Variants in HS2ST1 observed in about 807,000 individuals in gnomAD.
HS2ST1 encodes 2-O-sulfotransferase.
A neutral mutation model predicts 42.9 loss-of-function variants in HS2ST1; 18 were observed. The ratio of observed to expected loss-of-function variants is 0.42; its 90% CI spans 0.29 to 0.62. The LOEUF (loss-of-function observed/expected upper bound fraction) is 0.62. Ranked by LOEUF, HS2ST1 falls within the 20% of genes least tolerant of loss-of-function variation. The pLI is 0.21. For synonymous variants in HS2ST1, 146 were observed against 152.9 expected, an observed-to-expected ratio of 0.95 and a Z score of 0.33; for missense variants, 334 against 433.8, an observed-to-expected ratio of 0.77 and a Z score of 2.04.
intron 1 of HS2ST1, among the ~76,000 whole-genome samples, chr1:86,950,380 GTAGA>G (rs938229128): frequency 2.7e-5 from 4 of 148,214 alleles, no homozygotes; most frequent in Non-Finnish European, 6.0e-5. Flanking sequence ...AGGTAGGTAG[GTAGA>G]TAGACAGACA....
intron 1 of HS2ST1, among the ~76,000 whole-genome samples, chr1:87,024,083 G>A (rs1331390613): frequency 1.3e-5 from 2 of 152,108 alleles, no homozygotes; most frequent in Non-Finnish European, 2.9e-5. Context: ...CATACCAATA[G>A]GTATTAACAA....
intron 1 of HS2ST1, among the ~76,000 whole-genome samples, chr1:86,924,161 A>C (rs925385124): frequency 2.6e-5 from 4 of 152,208 alleles, no homozygotes; most frequent in African/African-American, 9.6e-5. Context: ...TGAAATCTTA[A>C]ACCTTCAAAA....
At chr1:87,038,732 T>C (rs1650445920) in intron 1 of HS2ST1, among the ~76,000 whole-genome samples, 1 of 152,146 alleles carries the variant, frequency 6.6e-6, no homozygotes, top group Non-Finnish European at 1.5e-5. Flanking sequence ...TTGTTTTAAC[T>C]TACATATACG....
intron 1 of HS2ST1, among the ~76,000 whole-genome samples, chr1:86,940,800 C>T (rs1660744956): frequency 6.6e-6 from 1 of 152,138 alleles, no homozygotes; most frequent in Non-Finnish European, 1.5e-5. Context: ...TCAAGACCAG[C>T]CTGGGCAACA....
intron 1 of HS2ST1, among the ~76,000 whole-genome samples, chr1:86,949,136 T>C (rs939254126): frequency 1.3e-5 from 2 of 152,154 alleles, no homozygotes; most frequent in African/African-American, 4.8e-5. Context: ...TAAGATGGAG[T>C]CTTGCTCTTT....
chr1:87,101,465 C>T (rs1385492006), intron 5 of HS2ST1, among the ~76,000 whole-genome samples: 1 of 152,052 alleles, frequency 6.6e-6, no homozygotes, highest in African/African-American at 2.4e-5. Flanking sequence ...CGCACCCGAC[C>T]AGTCATCACT....
At position 87,109,096 on chromosome 1, in the gene HS2ST1, C is replaced by A. The variant is rs1652408059; in HGVS notation, c.*4400C>A. On this transcript the variant is annotated 3_prime_UTR_variant, in exon 7 of 7. Transcript: ENST00000370550. ...GTTGGAGAGATAATCACTCCTTTTCCTTAACATTCTGCCAGCTTTCTGATG... is the reference window on the plus strand; with the variant it reads ...GTTGGAGAGATAATCACTCCTTTTCATTAACATTCTGCCAGCTTTCTGATG... 1.3e-5 allele frequency: 2 copies of A among 152,486 alleles called. No individual in the cohort carries two copies. Among genetic ancestry groups the A allele is most frequent in the South Asian group, 4.1e-4 (2 of 4,828 alleles). 9.4% of individuals were successfully genotyped at this position (152,486 alleles called of 1,614,324 possible). A position where few individuals can be genotyped will look rare whatever the true frequency, so the allele number is the denominator to read the frequency against.
At position 87,104,884 on chromosome 1, in the gene HS2ST1, G is replaced by T; in HGVS notation, c.*188G>T. The T allele has an allele frequency of 1.9e-6, 1 of 515,964 alleles. No individual in the cohort carries two copies. The highest frequency in any genetic ancestry group is 3.2e-5 in the South Asian group (1 of 31,404). The allele number at this position is 515,964 out of a possible 1,614,324, so 32.0% of individuals were successfully genotyped here. ...GCATTGTCAGTGTTCTAAGTTTCAGGCATTTTTATTTTTCCTGGCTAAACG... is the reference window on the plus strand; with the variant it reads ...GCATTGTCAGTGTTCTAAGTTTCAGTCATTTTTATTTTTCCTGGCTAAACG... On this transcript the variant is annotated 3_prime_UTR_variant, in exon 7 of 7. Coordinates refer to ENST00000370550, the MANE Select transcript of HS2ST1 (RefSeq NM_012262.4).
intron 1 of HS2ST1, among the ~76,000 whole-genome samples, chr1:86,952,994 AC>A (rs142408045): frequency 0.022 from 3,330 of 152,314 alleles, 42 homozygotes; most frequent in South Asian, 0.053. Context: ...TTCTTCCAGT[AC>A]AATGCTGTTT....
intron 1 of HS2ST1, among the ~76,000 whole-genome samples, chr1:87,038,181 T>G (rs1160271888): frequency 6.6e-6 from 1 of 152,088 alleles, no homozygotes; most frequent in Non-Finnish European, 1.5e-5. Flanking sequence ...TCTATGACAA[T>G]ATGCTGTGTT....
At chr1:86,987,829 C>T (rs1008389026) in intron 1 of HS2ST1, among the ~76,000 whole-genome samples, 21 of 152,212 alleles carry the variant, frequency 1.4e-4, no homozygotes, top group African/African-American at 5.1e-4. Flanking sequence ...AGCAACCATT[C>T]AAAGAAACCA....
At chr1:86,979,469 C>A (rs1262373968) in intron 1 of HS2ST1, among the ~76,000 whole-genome samples, 1 of 152,192 alleles carries the variant, frequency 6.6e-6, no homozygotes, top group South Asian at 2.1e-4. Context: ...ATTTTGTGTT[C>A]GTATTGTTGT....
At chr1:86,993,932 C>A (rs1649026579) in intron 1 of HS2ST1, among the ~76,000 whole-genome samples, 1 of 152,088 alleles carries the variant, frequency 6.6e-6, no homozygotes, top group Non-Finnish European at 1.5e-5. Flanking sequence ...GCAAAAGGGG[C>A]CTAGCTTTAG....
chr1:86,923,671 C>T (rs948936403), intron 1 of HS2ST1, among the ~76,000 whole-genome samples: 8 of 152,202 alleles, frequency 5.3e-5, no homozygotes, highest in Non-Finnish European at 1.2e-4. Flanking sequence ...GCTGGGATTA[C>T]AGGTGTGAGC....
intron 2 of HS2ST1, among the ~76,000 whole-genome samples, chr1:87,073,379 A>G (rs1651464979): frequency 6.6e-6 from 1 of 152,228 alleles, no homozygotes. Context: ...GTACTCAAAT[A>G]TTTGTGAAGT....
intron 1 of HS2ST1, among the ~76,000 whole-genome samples, chr1:86,921,440 A>G (rs1165128916): frequency 6.6e-6 from 1 of 151,956 alleles, no homozygotes; most frequent in Non-Finnish European, 1.5e-5. Flanking sequence ...TCTGAAACCT[A>G]CTGCTGTGGT....
At position 87,106,016 on chromosome 1, in the gene HS2ST1, C is replaced by G. The variant is rs140966070; in HGVS notation, c.*1320C>G. On this transcript the variant is annotated 3_prime_UTR_variant, in exon 7 of 7. Transcript: ENST00000370550. ...ATGAGGATAATAATACCTGCTGTAC[C>G]TACCTCACAGGGCTGTTGTGAGGAT... 3.9e-5 allele frequency: 6 copies of G among 152,582 alleles called. No homozygotes were observed. The East Asian group carries it at 1.2e-3, about 29-fold the overall frequency. 9.5% of individuals were successfully genotyped at this position (152,582 alleles called of 1,614,324 possible).
intron 1 of HS2ST1, among the ~76,000 whole-genome samples, chr1:86,999,670 G>A (rs1035307454): frequency 1.2e-4 from 17 of 137,946 alleles, no homozygotes; most frequent in Non-Finnish European, 2.0e-4. Flanking sequence ...AGAATATATC[G>A]TCATTCTTTT....
intron 1 of HS2ST1, among the ~76,000 whole-genome samples, chr1:86,942,203 A>G (rs532115393): frequency 4.9e-4 from 75 of 152,340 alleles, no homozygotes; most frequent in African/African-American, 1.8e-3. Flanking sequence ...TCGACAAGGA[A>G]CCATTGGATG....
Sources: gnomAD v4.1 joint callset for allele counts (sites outside exome capture counted in the v4.1 genomes callset) on GRCh38, gnomAD v4.1.1 for gene constraint, MANE v1.5 for transcripts, NCBI Gene and HGNC (gene_info 2026-07-23, HGNC 2026-07-21) for gene names.